Variants in DCC observed in about 807,000 individuals in gnomAD.
DCC encodes the protein DCC netrin 1 receptor.
In DCC, 58 loss-of-function variants were observed where a neutral mutation model predicts 172.5. That is an observed-to-expected ratio of 0.34 (90% CI 0.27 to 0.42). The LOEUF (loss-of-function observed/expected upper bound fraction) is 0.42, where lower values mean the gene tolerates loss of function less well. DCC is among the 10% of genes least tolerant of loss of function. The pLI is 1.00. For synonymous variants in DCC, 709 were observed against 644.5 expected (o/e 1.10, Z -1.52); for missense variants, 1,740 against 1,791.0 (o/e 0.97, Z 0.51).
chr18:52,760,722 C>T (rs759456636), intron 2 of DCC, among the ~76,000 whole-genome samples: 1 of 152,104 alleles, frequency 6.6e-6, no homozygotes, highest in Non-Finnish European at 1.5e-5. Flanking sequence ...GACTCAATAA[C>T]TGTATACAAA....
At chr18:52,528,256 A>G (rs1304455684) in intron 1 of DCC, among the ~76,000 whole-genome samples, 1 of 152,194 alleles carries the variant, frequency 6.6e-6, no homozygotes, top group Non-Finnish European at 1.5e-5. Flanking sequence ...ATGAGTTATA[A>G]CATTCTTCAA....
chr18:52,788,200 G>C (rs1049013876), intron 2 of DCC, among the ~76,000 whole-genome samples: 1 of 152,098 alleles, frequency 6.6e-6, no homozygotes, highest in Non-Finnish European at 1.5e-5. Context: ...TCATCCCTGG[G>C]CAAAATTTAC....
chr18:52,675,429 C>A (rs2035630966), intron 1 of DCC, among the ~76,000 whole-genome samples: 1 of 152,070 alleles, frequency 6.6e-6, no homozygotes, highest in Admixed American at 6.6e-5. Flanking sequence ...AAGCTGGAAG[C>A]CCCCCACACC....
chr18:53,131,570 G>A (rs1463489268), intron 7 of DCC, among the ~76,000 whole-genome samples: 7 of 152,022 alleles, frequency 4.6e-5, no homozygotes, highest in Non-Finnish European at 7.4e-5. Flanking sequence ...GTTGATGTGC[G>A]GGATCACAGG....
chr18:53,339,037 G>A (rs879433651), intron 14 of DCC, among the ~76,000 whole-genome samples: 1 of 152,168 alleles, frequency 6.6e-6, no homozygotes, highest in Non-Finnish European at 1.5e-5. Flanking sequence ...TTAATCAGAA[G>A]GGAAACTCAG....
chr18:52,848,387 G>A (rs755779541), intron 2 of DCC, among the ~76,000 whole-genome samples: 6 of 151,960 alleles, frequency 3.9e-5, no homozygotes, highest in African/African-American at 1.2e-4. Flanking sequence ...ATGCCCGGCC[G>A]ACTTTTCTAA....
intron 10 of DCC, among the ~76,000 whole-genome samples, chr18:53,206,367 T>G (rs1339674670): frequency 1.5e-4 from 6 of 39,358 alleles, no homozygotes; most frequent in Non-Finnish European, 4.1e-4. Flanking sequence ...ATATATGTAT[T>G]GTAACACATA....
intron 2 of DCC, among the ~76,000 whole-genome samples, chr18:52,874,270 CAAAG>C (rs1285319180): frequency 2.0e-5 from 3 of 152,034 alleles, no homozygotes; most frequent in African/African-American, 4.8e-5. Context: ...TAATGACAGA[CAAAG>C]AAGAACTGTC....
chr18:53,001,180 G>A (rs2041559932), intron 5 of DCC, among the ~76,000 whole-genome samples: 1 of 151,860 alleles, frequency 6.6e-6, no homozygotes, highest in Admixed American at 6.6e-5. Context: ...TTATCCCTGG[G>A]GTTTCTATTA....
At chr18:53,072,681 G>A (rs1486167898) in intron 7 of DCC, among the ~76,000 whole-genome samples, 5 of 152,116 alleles carry the variant, frequency 3.3e-5, no homozygotes, top group Non-Finnish European at 5.9e-5. Context: ...AATGGCTGTG[G>A]GAAAAATCCA....
chr18:52,368,329 T>A (rs1984967326), intron 1 of DCC, among the ~76,000 whole-genome samples: 1 of 152,164 alleles, frequency 6.6e-6, no homozygotes, highest in Non-Finnish European at 1.5e-5. Flanking sequence ...TTAGAATTGG[T>A]AAGTAGTTGT....
chr18:53,327,251 A>G (rs1326239728), intron 14 of DCC, among the ~76,000 whole-genome samples: 2 of 152,134 alleles, frequency 1.3e-5, no homozygotes, highest in Admixed American at 6.5e-5. Context: ...GCACGTTGCT[A>G]TTACTGACAG....
chr18:52,986,758 G>A (rs1295594327), intron 5 of DCC, among the ~76,000 whole-genome samples: 1 of 148,528 alleles, frequency 6.7e-6, no homozygotes, highest in Non-Finnish European at 1.5e-5. Context: ...ACACACACGT[G>A]TAGTATATAT....
intron 7 of DCC, among the ~76,000 whole-genome samples, chr18:53,156,230 T>C (rs547925160): frequency 6.6e-6 from 1 of 152,090 alleles, no homozygotes; most frequent in Non-Finnish European, 1.5e-5. Flanking sequence ...CATGCCTGTA[T>C]CTCCAGGACT....
intron 1 of DCC, among the ~76,000 whole-genome samples, chr18:52,571,848 A>T (rs1485289148): frequency 6.6e-6 from 1 of 152,144 alleles, no homozygotes. Flanking sequence ...ATGTCCATCA[A>T]TTTTCCACAG....
At chr18:53,404,589 G>A (rs561175208) in intron 19 of DCC, among the ~76,000 whole-genome samples, 1 of 151,958 alleles carries the variant, frequency 6.6e-6, no homozygotes, top group East Asian at 1.9e-4. Flanking sequence ...AAATTAGCCG[G>A]GCGTGGTGGT....
intron 1 of DCC, among the ~76,000 whole-genome samples, chr18:52,718,594 C>T (rs12970030): frequency 0.047 from 7,218 of 152,238 alleles, 180 homozygotes; most frequent in Middle Eastern, 0.12. Flanking sequence ...GCCCTGCCTC[C>T]GTGTGGCTCT....
chr18:53,222,383 CTTTTTT>C (rs67373546), intron 12 of DCC, among the ~76,000 whole-genome samples: 53 of 104,190 alleles, frequency 5.1e-4, no homozygotes, highest in Non-Finnish European at 7.2e-4. Context: ...TTTCTTTTTT[CTTTTTT>C]TTTTTTTTTT....
chr18:52,562,754 A>C (rs2033067501), intron 1 of DCC, among the ~76,000 whole-genome samples: 1 of 152,146 alleles, frequency 6.6e-6, no homozygotes, highest in Non-Finnish European at 1.5e-5. Context: ...ATTAGAGCAC[A>C]TAAAAAGAAC....
Sources: gnomAD v4.1 joint callset for allele counts (sites outside exome capture counted in the v4.1 genomes callset) on GRCh38, gnomAD v4.1.1 for gene constraint, MANE v1.5 for transcripts, NCBI Gene and HGNC (gene_info 2026-07-23, HGNC 2026-07-21) for gene names.